CNTNAP2: variants seen among roughly 807,000 people sequenced by gnomAD.
CNTNAP2 encodes contactin associated protein 2.
A neutral mutation model predicts 155.2 loss-of-function variants in CNTNAP2; 98 were observed. The ratio of observed to expected loss-of-function variants is 0.63; its 90% CI spans 0.54 to 0.75. The LOEUF (loss-of-function observed/expected upper bound fraction) is 0.75, where lower values mean the gene tolerates loss of function less well. Among genes scored for constraint, CNTNAP2 ranks in the 30% least tolerant of loss-of-function variants. The pLI is 0.00. For missense variants in CNTNAP2, 1,727 were observed against 1,688.1 expected, an observed-to-expected ratio of 1.02 and a Z score of -0.40; for synonymous variants, 651 against 631.2, an observed-to-expected ratio of 1.03 and a Z score of -0.47.
intron 3 of CNTNAP2, among the ~76,000 whole-genome samples, chr7:146,906,394 A>G (rs1013250708): frequency 2.0e-5 from 3 of 152,226 alleles, no homozygotes; most frequent in East Asian, 1.9e-4. Context: ...GCAGACTTAA[A>G]TGTCCCTGTC....
intron 13 of CNTNAP2, among the ~76,000 whole-genome samples, chr7:147,719,371 A>C (rs2117025587): frequency 6.6e-6 from 1 of 152,262 alleles, no homozygotes; most frequent in Admixed American, 6.5e-5. Context: ...AACAAATTAA[A>C]GGGAATCCTG....
intron 15 of CNTNAP2, among the ~76,000 whole-genome samples, chr7:148,029,091 C>T (rs560678594): frequency 6.6e-4 from 62 of 93,502 alleles, no homozygotes; most frequent in Non-Finnish European, 1.1e-3. Flanking sequence ...TCTGGATATC[C>T]TTTTGGGCAA....
At chr7:147,272,468 C>T (rs1183519047) in intron 8 of CNTNAP2, among the ~76,000 whole-genome samples, 1 of 152,072 alleles carries the variant, frequency 6.6e-6, no homozygotes, top group Admixed American at 6.6e-5. Context: ...GTATCTCTAC[C>T]TTCAGCCTAT....
chr7:147,193,152 C>T (rs1802716315), intron 8 of CNTNAP2, among the ~76,000 whole-genome samples: 1 of 152,108 alleles, frequency 6.6e-6, no homozygotes, highest in Non-Finnish European at 1.5e-5. Context: ...TGCTTGCTCA[C>T]AAAATTCAAG....
chr7:147,485,977 A>G lies in CNTNAP2; in HGVS notation c.1713A>G (p.Gln571=). Residue 571 remains glutamine, a synonymous_variant, in exon 11 of 24, where the codon CAA becomes CAG. Coordinates refer to ENST00000361727, the MANE Select transcript of CNTNAP2 (RefSeq NM_014141.6). Reference sequence around the variant, plus strand: ...GTGAGCATGGTGGAAAGTGCTCGCAAACATGGGACAGCTTCAAATGCACTT... The same window carrying G: ...GTGAGCATGGTGGAAAGTGCTCGCAGACATGGGACAGCTTCAAATGCACTT... ...NHCEHGGKCS[Q]TWDSFKCTCD... 6.2e-7 allele frequency: 1 copy of G among 1,614,114 alleles called. No individual in the cohort carries two copies.
intron 13 of CNTNAP2, among the ~76,000 whole-genome samples, chr7:147,723,110 G>A (rs1162738513): frequency 6.6e-6 from 1 of 151,970 alleles, no homozygotes; most frequent in East Asian, 1.9e-4. Context: ...GTCAGCAAGT[G>A]GCTGGCACTA....
intron 23 of CNTNAP2, chr7:148,415,047 A>G (rs1585362026): frequency 5.2e-6 from 2 of 383,718 alleles, no homozygotes; most frequent in East Asian, 6.0e-5. Flanking sequence ...CCCTCCCTAC[A>G]CTGCTGTCCA....
At chr7:147,260,467 T>C (rs1170976962) in intron 8 of CNTNAP2, among the ~76,000 whole-genome samples, 1 of 152,182 alleles carries the variant, frequency 6.6e-6, no homozygotes, top group Non-Finnish European at 1.5e-5. Flanking sequence ...TTCAAGGGTT[T>C]GAAATTAATT....
chr7:147,834,200 C>G (rs12539535), intron 13 of CNTNAP2, among the ~76,000 whole-genome samples: 1,692 of 152,254 alleles, frequency 0.011, 95 homozygotes, highest in Admixed American at 0.091. Flanking sequence ...CTGGCAGAAG[C>G]TCCGTGAATC....
chr7:146,423,923 T>C (rs532448308), intron 1 of CNTNAP2, among the ~76,000 whole-genome samples: 1 of 152,342 alleles, frequency 6.6e-6, no homozygotes, highest in South Asian at 2.1e-4. Flanking sequence ...ATTTCTGTGA[T>C]GTCTCTGAGC....
At chr7:147,609,466 A>G (rs1361626660) in intron 12 of CNTNAP2, among the ~76,000 whole-genome samples, 2 of 152,036 alleles carry the variant, frequency 1.3e-5, no homozygotes, top group African/African-American at 4.8e-5. Flanking sequence ...GGGAGGCGGA[A>G]CTTGCAGTGA....
intron 13 of CNTNAP2, among the ~76,000 whole-genome samples, chr7:147,642,895 T>C (rs1265974511): frequency 6.6e-6 from 1 of 152,172 alleles, no homozygotes; most frequent in Non-Finnish European, 1.5e-5. Flanking sequence ...ACTTAACAAA[T>C]GTTTGCTGAT....
intron 1 of CNTNAP2, among the ~76,000 whole-genome samples, chr7:146,669,863 C>A (rs945983585): frequency 2.1e-5 from 3 of 144,208 alleles, no homozygotes; most frequent in African/African-American, 5.1e-5. Context: ...CTAATTTAAC[C>A]GTTTTTTCAT....
At chr7:147,015,539 T>C (rs1798709810) in intron 3 of CNTNAP2, among the ~76,000 whole-genome samples, 1 of 152,108 alleles carries the variant, frequency 6.6e-6, no homozygotes, top group Admixed American at 6.6e-5. Context: ...TATAATCCCA[T>C]GGCTTATTCA....
intron 10 of CNTNAP2, among the ~76,000 whole-genome samples, chr7:147,436,571 C>A (rs971061466): frequency 2.6e-5 from 4 of 152,124 alleles, no homozygotes; most frequent in African/African-American, 9.7e-5. Context: ...GGCAAAGTTA[C>A]ATAGGCAAGA....
chr7:148,263,598 G>A (rs773555985), intron 20 of CNTNAP2, among the ~76,000 whole-genome samples: 88 of 151,972 alleles, frequency 5.8e-4, no homozygotes, highest in African/African-American at 1.7e-3. Flanking sequence ...TTAGCCGGGC[G>A]TGGTGGCGGG....
At chr7:146,875,758 C>T (rs561713210) in intron 3 of CNTNAP2, among the ~76,000 whole-genome samples, 1 of 151,456 alleles carries the variant, frequency 6.6e-6, no homozygotes, top group African/African-American at 2.4e-5. Context: ...AAAAATTTTT[C>T]AGCTTGGCCA....
At chr7:147,164,918 G>T (rs1382026629) in intron 8 of CNTNAP2, among the ~76,000 whole-genome samples, 1 of 152,094 alleles carries the variant, frequency 6.6e-6, no homozygotes, top group Non-Finnish European at 1.5e-5. Context: ...CATTTCTTTT[G>T]ATGGGAAAAT....
chr7:148,356,990 C>T (rs892127666), intron 21 of CNTNAP2, among the ~76,000 whole-genome samples: 3 of 152,074 alleles, frequency 2.0e-5, no homozygotes, highest in Non-Finnish European at 4.4e-5. Context: ...TGAGGCCCTG[C>T]GTGATATATA....
Sources: allele counts gnomAD v4.1 joint callset (sites outside exome capture counted in the v4.1 genomes callset), GRCh38; gene constraint gnomAD v4.1.1; transcripts MANE v1.5; gene names NCBI Gene and HGNC (gene_info 2026-07-23, HGNC 2026-07-21).